The following FTO variants were observed in gnomAD, a reference collection of about 807,000 sequenced individuals.
The protein encoded by FTO is FTO alpha-ketoglutarate dependent dioxygenase.
In FTO, 47 loss-of-function variants were observed where a neutral mutation model predicts 63.9. The observed-to-expected ratio is 0.74, with a 90% CI of 0.58 to 0.94. The LOEUF is 0.94. Ranked by LOEUF, FTO falls within the 40% of genes least tolerant of loss-of-function variation. The pLI is 0.00. For synonymous variants in FTO, 207 were observed against 224.4 expected (o/e 0.92, Z 0.69); for missense variants, 562 against 618.1 (o/e 0.91, Z 0.96).
intron 8 of FTO, among the ~76,000 whole-genome samples, chr16:54,106,188 C>T (rs1174645273): frequency 6.6e-6 from 1 of 151,988 alleles, no homozygotes; most frequent in African/African-American, 2.4e-5. Flanking sequence ...GCTGCAATCC[C>T]GATCTTCTAA....
At chr16:53,755,411 C>T (rs1229990430) in intron 1 of FTO, among the ~76,000 whole-genome samples, 1 of 152,138 alleles carries the variant, frequency 6.6e-6, no homozygotes, top group Non-Finnish European at 1.5e-5. Flanking sequence ...ATTCAGCTGT[C>T]TGATCCCGTC....
chr16:53,808,907 T>G (rs2078440556), intron 1 of FTO, among the ~76,000 whole-genome samples: 1 of 152,254 alleles, frequency 6.6e-6, no homozygotes, highest in Non-Finnish European at 1.5e-5. Flanking sequence ...TTTGCTTTCT[T>G]TCTTACAGAT....
chr16:53,963,173 A>G (rs749150952), intron 8 of FTO, among the ~76,000 whole-genome samples: 7 of 152,190 alleles, frequency 4.6e-5, no homozygotes, highest in South Asian at 2.1e-4. Context: ...TAATGATACC[A>G]TAATAACACA....
chr16:53,997,950 C>G (rs1273871081), intron 8 of FTO, among the ~76,000 whole-genome samples: 1 of 152,014 alleles, frequency 6.6e-6, no homozygotes, highest in Non-Finnish European at 1.5e-5. Flanking sequence ...TGTGAGAATT[C>G]CCAGAACCCT....
At chr16:54,058,221 C>A (rs1448665993) in intron 8 of FTO, among the ~76,000 whole-genome samples, 1 of 152,132 alleles carries the variant, frequency 6.6e-6, no homozygotes, top group South Asian at 2.1e-4. Context: ...AGGTGATTCT[C>A]CTGCCTCAGC....
chr16:53,931,298 CTTT>C (rs869204000), intron 7 of FTO, among the ~76,000 whole-genome samples: 4,188 of 101,776 alleles, frequency 0.041, 217 homozygotes, highest in African/African-American at 0.15. Flanking sequence ...AACTATGTGA[CTTT>C]TTTTTTTTTT....
At chr16:54,080,136 C>T (rs1235279752) in intron 8 of FTO, among the ~76,000 whole-genome samples, 2 of 152,034 alleles carry the variant, frequency 1.3e-5, no homozygotes, top group African/African-American at 4.8e-5. Flanking sequence ...TCTGTAATCC[C>T]AGCACTTTGG....
At chr16:53,861,116 A>G (rs760150278) in intron 4 of FTO, among the ~76,000 whole-genome samples, 1 of 152,200 alleles carries the variant, frequency 6.6e-6, no homozygotes, top group Non-Finnish European at 1.5e-5. Flanking sequence ...GATATTATAT[A>G]TATTGCTACA....
chr16:53,910,053 G>A (rs965001519), intron 7 of FTO, among the ~76,000 whole-genome samples: 2 of 151,948 alleles, frequency 1.3e-5, no homozygotes, highest in Non-Finnish European at 2.9e-5. Context: ...TACTATGCCC[G>A]GCTAATTTAT....
chr16:53,926,812 C>A (rs1285319389), intron 7 of FTO, among the ~76,000 whole-genome samples: 1 of 151,048 alleles, frequency 6.6e-6, no homozygotes, highest in Admixed American at 6.6e-5. Flanking sequence ...GGACCTGTAT[C>A]AAAAGGGTTT....
chr16:54,043,093 CA>C (rs1338085564), intron 8 of FTO, among the ~76,000 whole-genome samples: 1 of 72,464 alleles, frequency 1.4e-5, no homozygotes, highest in Non-Finnish European at 2.2e-5. Flanking sequence ...AGCAACAGAA[CA>C]AAGCTGGATG....
chr16:53,983,831 T>A (rs1456428298), intron 8 of FTO, among the ~76,000 whole-genome samples: 1 of 152,210 alleles, frequency 6.6e-6, no homozygotes, highest in East Asian at 1.9e-4. Flanking sequence ...GGCTCAGGGT[T>A]TTTGTTTTCT....
intron 8 of FTO, among the ~76,000 whole-genome samples, chr16:54,108,600 A>AT (rs1170789009): frequency 6.6e-6 from 1 of 152,178 alleles, no homozygotes; most frequent in Non-Finnish European, 1.5e-5. Flanking sequence ...TCTCATTGGC[A>AT]TTTCTCATCT....
At position 53,786,511 on chromosome 16, in the gene FTO, T is replaced by G. The variant is rs141115189; in HGVS notation, c.46-23629T>G. Among the ~76,000 whole-genome samples the G allele has an allele frequency of 8.1e-4, 124 of 152,376 alleles. 3 individuals are homozygous for G. In the East Asian group the frequency reaches 0.022, roughly 27 times the overall value. On this transcript the variant is annotated intron_variant, in intron 1 of 8. Coordinates refer to ENST00000471389, the MANE Select transcript of FTO (RefSeq NM_001080432.3). The stretch of plus-strand genomic sequence containing the variant: ...GATTCAGAAGAGATGATCTCAAATC[T>G]ACTTTATGAGATAATGTCCTTTTTA...
intron 7 of FTO, among the ~76,000 whole-genome samples, chr16:53,924,993 C>A (rs1282744053): frequency 1.3e-5 from 2 of 151,402 alleles, no homozygotes; most frequent in African/African-American, 4.9e-5. Context: ...TGAGATCGAC[C>A]TTTCTTTGAT....
intron 2 of FTO, among the ~76,000 whole-genome samples, chr16:53,814,420 C>T (rs977506314): frequency 1.7e-4 from 26 of 152,148 alleles, no homozygotes; most frequent in African/African-American, 6.0e-4. Flanking sequence ...GTGCATTACA[C>T]GTGTGAGCTC....
intron 6 of FTO, among the ~76,000 whole-genome samples, chr16:53,882,373 G>GAA (rs4002060): frequency 4.1e-5 from 6 of 144,616 alleles, no homozygotes; most frequent in Middle Eastern, 3.4e-3. Flanking sequence ...AGTGCTACAG[G>GAA]AAAAAAAAAA....
At position 54,084,784 on chromosome 16, in the gene FTO, G is replaced by A. The variant is rs562877655; in HGVS notation, c.1365-26978G>A. On this transcript the variant is annotated intron_variant, in intron 8 of 8. Transcript: ENST00000471389. ...CAGCTGAGATTTACAGAGGCCGGGC[G>A]GGGAGGGCTGCTGAGAGGGGGTAAT... is the stretch of plus-strand genomic sequence containing the variant. Among the ~76,000 whole-genome samples the A allele has an allele frequency of 3.2e-4, 48 of 152,290 alleles. No homozygotes were observed. In the South Asian group the frequency reaches 7.9e-3, roughly 25 times the overall value.
At chr16:53,946,181 C>T (rs2082646774) in intron 8 of FTO, among the ~76,000 whole-genome samples, 2 of 151,818 alleles carry the variant, frequency 1.3e-5, no homozygotes, top group Admixed American at 1.3e-4. Context: ...AAAACAAAAC[C>T]AAACAAATCA....
Sources: gnomAD v4.1 joint callset for allele counts (sites outside exome capture counted in the v4.1 genomes callset) on GRCh38, gnomAD v4.1.1 for gene constraint, MANE v1.5 for transcripts, NCBI Gene and HGNC (gene_info 2026-07-23, HGNC 2026-07-21) for gene names.